Variants in TEX36 observed in about 807,000 individuals in gnomAD.
The protein encoded by TEX36 is testis-expressed protein 36.
TEX36 carries 12 observed loss-of-function variants against 13.6 expected under a neutral mutation model. The ratio of observed to expected loss-of-function variants is 0.88; its 90% CI spans 0.56 to 1.43. The LOEUF (loss-of-function observed/expected upper bound fraction) is 1.43. TEX36 is among the 40% of genes most tolerant of loss of function. TEX36 has a pLI of 0.00. For synonymous variants in TEX36, 93 were observed against 83.0 expected (o/e 1.12, Z -0.65); for missense variants, 224 against 228.3 (o/e 0.98, Z 0.12).
At chr10:125,634,910 A>G (rs1203607984) in intron 3 of TEX36, among the ~76,000 whole-genome samples, 1 of 152,214 alleles carries the variant, frequency 6.6e-6, no homozygotes, top group African/African-American at 2.4e-5. Context: ...AGCTGTACAA[A>G]GATGCCTAAC....
In TEX36 at chr10:125,678,730, T is replaced by C. The variant is rs1847348151; in HGVS notation, c.51+4209A>G. On this transcript the variant is annotated intron_variant, in intron 1 of 3. Transcript: ENST00000368821. ...GCTTGCACATGGGGGCCAGCTGAGA[T>C]GGTAGTGGCCAGGAGTTTAGGCCCA... is the stretch of plus-strand genomic sequence containing the variant. 2.0e-5 allele frequency among the ~76,000 whole-genome samples: 3 copies of C among 152,150 alleles called. No homozygotes were observed. In the South Asian group the frequency reaches 6.2e-4, roughly 32 times the overall value.
intron 1 of TEX36, chr10:125,667,166 G>A: frequency 3.0e-6 from 2 of 664,870 alleles, no homozygotes; most frequent in Non-Finnish European, 5.7e-6. Context: ...ACAGCGGGGG[G>A]CACTGTGCGG....
intron 3 of TEX36, among the ~76,000 whole-genome samples, chr10:125,590,993 A>G (rs1846015291): frequency 6.6e-6 from 1 of 152,158 alleles, no homozygotes; most frequent in Non-Finnish European, 1.5e-5. Flanking sequence ...TGTGGCCCAA[A>G]GGTGAATCGT....
intron 3 of TEX36, among the ~76,000 whole-genome samples, chr10:125,648,943 T>G (rs1385578887): frequency 6.6e-6 from 1 of 151,870 alleles, no homozygotes; most frequent in Admixed American, 6.6e-5. Flanking sequence ...GAAGCAATAA[T>G]AGAAGTTTAG....
At chr10:125,611,901 T>C (rs752217727) in intron 3 of TEX36, among the ~76,000 whole-genome samples, 5 of 151,986 alleles carry the variant, frequency 3.3e-5, no homozygotes, top group Non-Finnish European at 5.9e-5. Flanking sequence ...ATTTCCCCAG[T>C]CAGGTAAAAT....
downstream of TEX36, among the ~76,000 whole-genome samples, chr10:125,618,262 C>T (rs1373404085): frequency 5.3e-5 from 8 of 152,292 alleles, 1 homozygote; most frequent in South Asian, 1.0e-3. Flanking sequence ...GTAATTTGAT[C>T]GTCTGAAGCC....
At chr10:125,633,244 C>T (rs531940034) in intron 3 of TEX36, among the ~76,000 whole-genome samples, 3 of 152,214 alleles carry the variant, frequency 2.0e-5, no homozygotes, top group South Asian at 4.1e-4. Context: ...GGTGGAAAGA[C>T]CTGATGAGAG....
intron 3 of TEX36, among the ~76,000 whole-genome samples, chr10:125,615,334 T>C (rs931411147): frequency 1.5e-4 from 23 of 152,164 alleles, no homozygotes; most frequent in Non-Finnish European, 2.6e-4. Context: ...ATAGGAGTGG[T>C]GAGAGAGTGC....
chr10:125,611,359 A>G (rs189052046), intron 3 of TEX36, among the ~76,000 whole-genome samples: 206 of 152,308 alleles, frequency 1.4e-3, no homozygotes, highest in African/African-American at 4.5e-3. Context: ...ACTTTCCTCA[A>G]CATTTTAATA....
intron 3 of TEX36, chr10:125,640,339 G>A (rs1846672387): frequency 8.4e-6 from 3 of 358,028 alleles, no homozygotes; most frequent in African/African-American, 2.2e-5. Context: ...AAGCATTTGA[G>A]GTTATTTTGG....
chr10:125,655,135 T>G (rs879144267), downstream of TEX36, among the ~76,000 whole-genome samples: 1 of 152,112 alleles, frequency 6.6e-6, no homozygotes, highest in Admixed American at 6.6e-5. Context: ...CAAGACACAT[T>G]ATTAAGTATC....
At chr10:125,615,475 G>A (rs1489232769) in intron 3 of TEX36, among the ~76,000 whole-genome samples, 2 of 152,046 alleles carry the variant, frequency 1.3e-5, no homozygotes, top group African/African-American at 4.8e-5. Context: ...CTAATTTATT[G>A]AGAGTTTTTA....
chr10:125,620,022 G>A (rs1846410343), downstream of TEX36, among the ~76,000 whole-genome samples: 1 of 151,946 alleles, frequency 6.6e-6, no homozygotes, highest in Admixed American at 6.6e-5. Flanking sequence ...TTGTACCTAA[G>A]CATTCTCTAT....
intron 3 of TEX36, among the ~76,000 whole-genome samples, chr10:125,637,326 A>AT (rs901906660): frequency 1.3e-4 from 19 of 151,654 alleles, no homozygotes; most frequent in African/African-American, 4.6e-4. Context: ...AAAAAAAAGT[A>AT]TAATTATGCA....
intron 3 of TEX36, among the ~76,000 whole-genome samples, chr10:125,646,323 C>T (rs1473435238): frequency 6.6e-6 from 1 of 152,118 alleles, no homozygotes. Flanking sequence ...GAGACCCTGT[C>T]TCAAGACCAA....
intron 3 of TEX36, among the ~76,000 whole-genome samples, chr10:125,622,184 G>T (rs566646565): frequency 1.3e-5 from 2 of 152,290 alleles, no homozygotes; most frequent in East Asian, 3.9e-4. Context: ...TAATAAGGTC[G>T]TAATTATGCC....
intron 1 of TEX36, among the ~76,000 whole-genome samples, chr10:125,679,373 G>T (rs1384075169): frequency 6.6e-6 from 1 of 152,172 alleles, no homozygotes; most frequent in East Asian, 1.9e-4. Flanking sequence ...GGGCCCAGGA[G>T]AGCGTGCAGT....
intron 3 of TEX36, among the ~76,000 whole-genome samples, chr10:125,630,089 G>A (rs1846533949): frequency 3.3e-5 from 5 of 152,190 alleles, no homozygotes; most frequent in Admixed American, 3.3e-4. Flanking sequence ...TTTACAACAA[G>A]TGTTTTCTAG....
chr10:125,604,698 G>A (rs1367654111), intron 3 of TEX36, among the ~76,000 whole-genome samples: 1 of 152,104 alleles, frequency 6.6e-6, no homozygotes, highest in Non-Finnish European at 1.5e-5. Flanking sequence ...TGTAGTCCCA[G>A]CTACTCAGGA....
Sources: gnomAD v4.1 joint callset for allele counts (sites outside exome capture counted in the v4.1 genomes callset) on GRCh38, gnomAD v4.1.1 for gene constraint, MANE v1.5 for transcripts, NCBI Gene and HGNC (gene_info 2026-07-23, HGNC 2026-07-21) for gene names.